C16orf96: variants seen among roughly 807,000 people sequenced by gnomAD.
The protein encoded by C16orf96 is uncharacterized protein C16orf96.
A neutral mutation model predicts 103.6 loss-of-function variants in C16orf96; 108 were observed. The ratio of observed to expected loss-of-function variants is 1.04; its 90% confidence interval spans 0.89 to 1.22. The LOEUF (loss-of-function observed/expected upper bound fraction) is 1.22, where lower values mean the gene tolerates loss of function less well. C16orf96 is among the 50% of genes most tolerant of loss of function. C16orf96 has a pLI of 0.00. For synonymous variants in C16orf96, 566 were observed against 593.5 expected (o/e 0.95, Z 0.67); for missense variants, 1,586 against 1,464.2 (o/e 1.08, Z -1.36).
At chr16:4,568,532 A>AGGGG (rs1412907202) in intron 1 of C16orf96, among the ~76,000 whole-genome samples, 1 of 151,934 alleles carries the variant, frequency 6.6e-6, no homozygotes, top group Non-Finnish European at 1.5e-5. Context: ...GGCTCAAGCC[A>AGGGG]TCCTTCCACT....
intron 14 of C16orf96, among the ~76,000 whole-genome samples, chr16:4,598,666 T>C (rs1369808008): frequency 6.6e-6 from 1 of 152,078 alleles, no homozygotes; most frequent in Non-Finnish European, 1.5e-5. Flanking sequence ...GGCATTTAGG[T>C]GCTCTGGCCC....
chr16:4,568,916 C>T (rs1463536803), intron 1 of C16orf96, among the ~76,000 whole-genome samples: 1 of 152,056 alleles, frequency 6.6e-6, no homozygotes, highest in Non-Finnish European at 1.5e-5. Flanking sequence ...AGATGTGAGC[C>T]ACTGCACCCA....
At chr16:4,559,715 A>G (rs550277363) in intron 1 of C16orf96, among the ~76,000 whole-genome samples, 1 of 152,154 alleles carries the variant, frequency 6.6e-6, no homozygotes, top group Admixed American at 6.6e-5. Flanking sequence ...GTTCTAAGCC[A>G]TTTCCATCAC....
Position 4,576,117 on chromosome 16 carries a change from AT to A in C16orf96, c.1638del (p.Asp546GlufsTer19). ...GACCCCAAGGATAGAGTTGGCAAGG[AT>A]GGGGCCCCCAAGGAAGCACAGCCTA... ...DGDPKDRVGK[D>X]GAPKEAQPKA... On this transcript the variant is annotated frameshift_variant, in exon 5 of 16. Coordinates refer to ENST00000444310, the MANE Select transcript of C16orf96 (RefSeq NM_001145011.2). LOFTEE classifies it high-confidence loss of function. 1.9e-6 allele frequency: 3 copies of A among 1,551,530 alleles called. No homozygotes were observed. Among genetic ancestry groups the A allele is most frequent in the Non-Finnish European group, 2.6e-6 (3 of 1,146,972 alleles).
At chr16:4,577,179 G>A (rs945826769) in intron 5 of C16orf96, among the ~76,000 whole-genome samples, 2 of 151,598 alleles carry the variant, frequency 1.3e-5, no homozygotes, top group Non-Finnish European at 2.9e-5. Flanking sequence ...CAACAAGAAC[G>A]AAACTCTGTC....
chr16:4,585,808 G>T (rs931219075), intron 7 of C16orf96, among the ~76,000 whole-genome samples: 1 of 152,180 alleles, frequency 6.6e-6, no homozygotes, highest in Admixed American at 6.6e-5. Flanking sequence ...TTGGATGGAG[G>T]CCGGGGTCAT....
chr16:4,587,833 G>A (rs1896965502), intron 8 of C16orf96, among the ~76,000 whole-genome samples: 1 of 152,132 alleles, frequency 6.6e-6, no homozygotes, highest in African/African-American at 2.4e-5. Flanking sequence ...CCACTCAGGA[G>A]GCTGAGGTGG....
intron 9 of C16orf96, 132 bp from the exon 10 acceptor site, chr16:4,591,534 G>A: frequency 2.9e-6 from 2 of 697,376 alleles, no homozygotes; most frequent in Non-Finnish European, 5.1e-6. Context: ...CCCTTTCCTG[G>A]ACTCCCTCAC....
intron 15 of C16orf96, 30 bp from the exon 16 acceptor site, chr16:4,600,070 A>C: frequency 1.3e-6 from 2 of 1,539,932 alleles, no homozygotes; most frequent in Non-Finnish European, 8.8e-7. Flanking sequence ...TTCTTGGCAC[A>C]CATCTAGGGT....
intron 2 of C16orf96, among the ~76,000 whole-genome samples, chr16:4,572,827 A>G (rs1354563548): frequency 6.6e-6 from 1 of 152,068 alleles, no homozygotes; most frequent in East Asian, 1.9e-4. Flanking sequence ...TCAGCCAAGT[A>G]TTTTCTAACA....
rs143661007 is a variant in C16orf96, at chr16:4,587,171, A to G, written c.2427+58A>G. 1.3e-5 allele frequency: 19 copies of G among 1,444,566 alleles called. No individual in the cohort carries two copies. In the East Asian group the frequency reaches 4.7e-4, roughly 36 times the overall value. 89.5% of individuals were successfully genotyped at this position (1,444,566 alleles called of 1,614,324 possible). A position where few individuals can be genotyped will look rare whatever the true frequency, so the allele number is the denominator to read the frequency against. On this transcript the variant is annotated intron_variant, in intron 8 of 15. Coordinates refer to ENST00000444310, the MANE Select transcript of C16orf96 (RefSeq NM_001145011.2). ...CTCCCCTACCCAGGGAAACGGCACC[A>G]TCCAGGCAAAGCCCACCAAAGAGTC...
intron 9 of C16orf96, among the ~76,000 whole-genome samples, chr16:4,590,037 A>G (rs1178612633): frequency 6.6e-6 from 1 of 151,650 alleles, no homozygotes; most frequent in African/African-American, 2.4e-5. Context: ...GAGGCAGGAG[A>G]ATGGCCTGAA....
intron 14 of C16orf96, among the ~76,000 whole-genome samples, 179 bp from the exon 15 acceptor site, chr16:4,599,102 GAAA>G (rs60960622): frequency 1.9e-5 from 2 of 106,450 alleles, no homozygotes; most frequent in East Asian, 2.7e-4. Flanking sequence ...CCTGCCTCAA[GAAA>G]AAAAAAAAAA....
the C16orf96 span, among the ~76,000 whole-genome samples, chr16:4,547,868 A>G: frequency 6.0e-5 from 9 of 150,522 alleles, no homozygotes; most frequent in African/African-American, 2.2e-4. Context: ...CCTGAGCTCA[A>G]GCTGTCTTCA....
chr16:4,580,098 C>T lies in C16orf96; in HGVS notation c.2325C>T (p.Asn775=). ...TCACTTTGGACAAGGCGGTGGAGAA[C>T]CTGCAGATTCGCATGGATGAGTTCA... ...RYITLDKAVE[N]LQIRMDEFKT... The change falls in exon 7 of 16, where the codon AAC becomes AAT. Residue 775 remains asparagine, a synonymous_variant. Transcript: ENST00000444310. 6.5e-7 allele frequency: 1 copy of T among 1,539,990 alleles called. No individual in the cohort carries two copies. Among genetic ancestry groups the T allele is most frequent in the Non-Finnish European group, 8.8e-7 (1 of 1,141,452 alleles).
chr16:4,550,822 T>C, the C16orf96 span, among the ~76,000 whole-genome samples: 1 of 152,204 alleles, frequency 6.6e-6, no homozygotes, highest in South Asian at 2.1e-4. Flanking sequence ...AGCTGTTATA[T>C]TCAGGCCAGA....
intron 1 of C16orf96, among the ~76,000 whole-genome samples, chr16:4,570,670 G>A (rs2059428286): frequency 6.6e-6 from 1 of 152,052 alleles, no homozygotes. Flanking sequence ...GTTTCACCGT[G>A]TTGGCCAGAC....
intron 1 of C16orf96, among the ~76,000 whole-genome samples, chr16:4,570,391 T>C (rs1464826997): frequency 6.6e-6 from 1 of 152,096 alleles, no homozygotes. Flanking sequence ...TTATAATTAT[T>C]ATATCTTCCA....
chr16:4,584,354 A>ATTTTTT (rs71139648), intron 7 of C16orf96, among the ~76,000 whole-genome samples: 5 of 92,734 alleles, frequency 5.4e-5, no homozygotes, highest in African/African-American at 1.3e-4. Flanking sequence ...TGCCTGGCTA[A>ATTTTTT]TTTTTTTTTT....
Sources: allele counts gnomAD v4.1 joint callset (sites outside exome capture counted in the v4.1 genomes callset), GRCh38; gene constraint gnomAD v4.1.1; transcripts MANE v1.5; gene names NCBI Gene and HGNC (gene_info 2026-07-23, HGNC 2026-07-21).